Variants in CYYR1 observed in about 807,000 individuals in gnomAD.
CYYR1 encodes cysteine and tyrosine-rich protein 1.
CYYR1 carries 14 observed loss-of-function variants against 15.2 expected under a neutral mutation model. The ratio of observed to expected loss-of-function variants is 0.92; its 90% CI spans 0.61 to 1.44. The LOEUF is 1.44. CYYR1 is among the 40% of genes most tolerant of loss of function. The pLI, the probability that CYYR1 is intolerant of heterozygous loss-of-function variation, is 0.00. For missense variants in CYYR1, 228 were observed against 209.5 expected (o/e 1.09, Z -0.54); for synonymous variants, 80 against 77.4 (o/e 1.03, Z -0.18).
chr21:26,496,843 AG>A (rs1233230674), intron 2 of CYYR1, among the ~76,000 whole-genome samples: 2 of 152,196 alleles, frequency 1.3e-5, no homozygotes, highest in Non-Finnish European at 2.9e-5. Context: ...TCAGCAAGGA[AG>A]ATCAGTTTCC....
rs547776701 is a variant in CYYR1, at chr21:26,542,259, AAGAG to A, written c.176+24003_176+24006del. Among the ~76,000 whole-genome samples, 408 of 103,060 alleles carry A rather than the reference AAGAG, an allele frequency of 4.0e-3. 3 individuals are homozygous for A. The highest frequency in any genetic ancestry group is 0.013 in the African/African-American group (376 of 28,696). 67.6% of individuals were successfully genotyped at this position (103,060 alleles called of 152,430 possible). A position where few individuals can be genotyped will look rare whatever the true frequency, so the allele number is the denominator to read the frequency against. The stretch of plus-strand genomic sequence containing the variant: ...GGACGGGGGCGGGGCGGGAGAGAGA[AAGAG>A]AGAGAGAGAGAATATGTGTGTGTGT... On this transcript the variant is annotated intron_variant, in intron 2 of 3. Coordinates refer to ENST00000652641, the MANE Select transcript of CYYR1 (RefSeq NM_001320768.2).
intron 2 of CYYR1, among the ~76,000 whole-genome samples, chr21:26,527,995 A>G (rs1448932616): frequency 1.3e-5 from 2 of 152,342 alleles, no homozygotes; most frequent in East Asian, 1.9e-4. Context: ...AAGGAAAAAA[A>G]TTCAGCAACA....
chr21:26,500,332 A>C (rs1331743406), intron 2 of CYYR1, among the ~76,000 whole-genome samples: 1 of 152,226 alleles, frequency 6.6e-6, no homozygotes, highest in East Asian at 1.9e-4. Flanking sequence ...TCCATGCATC[A>C]GATGTGGGCC....
At chr21:26,538,832 T>A (rs1232603398) in intron 2 of CYYR1, among the ~76,000 whole-genome samples, 1 of 152,216 alleles carries the variant, frequency 6.6e-6, no homozygotes, top group Non-Finnish European at 1.5e-5. Context: ...GGATCCTGTT[T>A]TAGACTTATG....
At chr21:26,519,941 T>C (rs2123555441) in intron 2 of CYYR1, among the ~76,000 whole-genome samples, 1 of 152,154 alleles carries the variant, frequency 6.6e-6, no homozygotes, top group South Asian at 2.1e-4. Context: ...GTATGTTCAT[T>C]GCAGCACTAT....
intron 2 of CYYR1, among the ~76,000 whole-genome samples, chr21:26,547,946 G>A (rs1979100736): frequency 6.7e-6 from 1 of 149,228 alleles, no homozygotes; most frequent in Non-Finnish European, 1.5e-5. Flanking sequence ...ACCAGCTGAT[G>A]TTCTAAGTGG....
Position 26,468,582 on chromosome 21 carries a change from C to G in CYYR1, c.387G>C (p.Leu129Phe). The G allele has an allele frequency of 6.2e-7, 1 of 1,613,126 alleles. No homozygotes were observed. The highest frequency in any genetic ancestry group is 1.1e-5 in the South Asian group (1 of 90,972). ...GTGGGGTGGGGGAGTATGGAGGAGG[C>G]AAGTCTGCACAGTATTCCATCTCGT... is the stretch of plus-strand genomic sequence containing the variant. ...HDHEMEYCADLPPPYSPTPQG... is the reference protein window; with the variant it reads ...HDHEMEYCADFPPPYSPTPQG... The change falls in exon 4 of 4, where the codon TTG becomes TTC. Residue 129 changes from leucine (L) to phenylalanine (F), a missense_variant. Coordinates refer to ENST00000652641, the MANE Select transcript of CYYR1 (RefSeq NM_001320768.2).
In CYYR1 at chr21:26,499,841, T is replaced by TG. The variant is rs1040770851; in HGVS notation, c.177-19413_177-19412insC. ...AATGAACAGAACACATTTTTGTTTT[T>TG]TTTTTTTTTTTCAGAGAAGGGGTCT... On this transcript the variant is annotated intron_variant, in intron 2 of 3. Transcript: ENST00000652641. Among the ~76,000 whole-genome samples, 229 of 150,946 alleles carry TG rather than the reference T, an allele frequency of 1.5e-3. 1 individual carries two copies. The highest frequency in any genetic ancestry group is 5.2e-3 in the African/African-American group (214 of 41,182).
intron 2 of CYYR1, among the ~76,000 whole-genome samples, chr21:26,525,937 T>C (rs575231652): frequency 5.5e-4 from 83 of 152,288 alleles, no homozygotes; most frequent in African/African-American, 1.9e-3. Context: ...AAATACCGCA[T>C]GTTCTCAGTT....
At chr21:26,557,103 C>T (rs1258391455) in intron 2 of CYYR1, among the ~76,000 whole-genome samples, 1 of 152,134 alleles carries the variant, frequency 6.6e-6, no homozygotes, top group Non-Finnish European at 1.5e-5. Flanking sequence ...TCATCCTCCT[C>T]ATCTGAACAG....
intron 3 of CYYR1, among the ~76,000 whole-genome samples, chr21:26,472,130 GT>G (rs2065042710): frequency 6.6e-6 from 1 of 152,146 alleles, no homozygotes; most frequent in African/African-American, 2.4e-5. Context: ...TTTGTGCGTA[GT>G]TGCATCCTTG....
chr21:26,484,002 T>A (rs1352003281), intron 2 of CYYR1, among the ~76,000 whole-genome samples: 1 of 152,102 alleles, frequency 6.6e-6, no homozygotes, highest in Non-Finnish European at 1.5e-5. Flanking sequence ...TATACTTTTC[T>A]GAGACTGGCC....
At chr21:26,562,477 A>G (rs1397720915) in intron 2 of CYYR1, among the ~76,000 whole-genome samples, 3 of 152,182 alleles carry the variant, frequency 2.0e-5, no homozygotes, top group African/African-American at 7.2e-5. Context: ...ACATCATTAA[A>G]GGATCTATCT....
At chr21:26,527,070 G>A (rs548303856) in intron 2 of CYYR1, among the ~76,000 whole-genome samples, 1 of 152,268 alleles carries the variant, frequency 6.6e-6, no homozygotes, top group Admixed American at 6.5e-5. Flanking sequence ...CAATATGCAA[G>A]TGTGTTCACA....
At chr21:26,482,285 T>G (rs2065191850) in intron 2 of CYYR1, 1 of 974,108 alleles carries the variant, frequency 1.0e-6, no homozygotes, top group South Asian at 4.7e-5. Context: ...TTAAACAATT[T>G]CCATGAATTT....
chr21:26,478,860 T>C (rs949413802), intron 3 of CYYR1, among the ~76,000 whole-genome samples: 2 of 152,072 alleles, frequency 1.3e-5, no homozygotes, highest in African/African-American at 2.4e-5. Context: ...GTTTTCCTGG[T>C]AGAGTGCATG....
At chr21:26,548,437 C>T (rs1028342565) in intron 2 of CYYR1, among the ~76,000 whole-genome samples, 1 of 152,202 alleles carries the variant, frequency 6.6e-6, no homozygotes, top group Non-Finnish European at 1.5e-5. Flanking sequence ...GCCTCGAACT[C>T]CTGGGCTCAA....
At chr21:26,502,280 C>T (rs934628092) in intron 2 of CYYR1, among the ~76,000 whole-genome samples, 42 of 148,014 alleles carry the variant, frequency 2.8e-4, no homozygotes, top group African/African-American at 1.0e-3. Context: ...AATTTATTTG[C>T]TATGTATAGA....
intron 2 of CYYR1, among the ~76,000 whole-genome samples, chr21:26,555,345 T>C (rs116913106): frequency 1.3e-5 from 2 of 152,314 alleles, no homozygotes; most frequent in South Asian, 2.1e-4. Flanking sequence ...TTATACCTGA[T>C]GTTTGTTTAA....
Sources: allele counts gnomAD v4.1 joint callset (sites outside exome capture counted in the v4.1 genomes callset), GRCh38; gene constraint gnomAD v4.1.1; transcripts MANE v1.5; gene names NCBI Gene and HGNC (gene_info 2026-07-23, HGNC 2026-07-21).